SPECC1: variants seen among roughly 807,000 people sequenced by gnomAD.
SPECC1 encodes the protein cytospin-B.
Under a neutral mutation model 104.1 loss-of-function variants are expected in SPECC1, and 62 were observed. The ratio of observed to expected loss-of-function variants is 0.60; its 90% confidence interval spans 0.49 to 0.74. The LOEUF (loss-of-function observed/expected upper bound fraction) is 0.74. SPECC1 is among the 30% of genes least tolerant of loss of function. The pLI, the probability that SPECC1 is intolerant of heterozygous loss-of-function variation, is 0.00. For missense variants in SPECC1, 1,306 were observed against 1,310.5 expected, an observed-to-expected ratio of 1.00 and a Z score of 0.05; for synonymous variants, 513 against 501.6, an observed-to-expected ratio of 1.02 and a Z score of -0.30.
rs1555609386 is a variant in SPECC1 at position 20,112,819 on chromosome 17, A to AAGTTTTTT, written c.283+2258_283+2259insGTTTTTTA. Reference sequence around the variant, plus strand: ...TGAGAGTGACTACCTTAAAAAATGCAAAGTTGAAGAACTGTAACCTCAGAG... The same window carrying AAGTTTTTT: ...TGAGAGTGACTACCTTAAAAAATGCAAGTTTTTTAAGTTGAAGAACTGTAACCTCAGAG... On this transcript the variant is annotated intron_variant, in intron 3 of 14. Transcript: ENST00000395527. 52 of 1,574,424 alleles carry AAGTTTTTT rather than the reference A, an allele frequency of 3.3e-5. No homozygotes were observed. The African/African-American group carries it at 6.6e-4, about 20-fold the overall frequency.
chr17:20,102,418 C>T (rs1479733630), intron 2 of SPECC1, among the ~76,000 whole-genome samples: 3 of 152,212 alleles, frequency 2.0e-5, no homozygotes, highest in African/African-American at 4.8e-5. Flanking sequence ...ACTCCATGCC[C>T]TATGGGAGGG....
rs2042035941 is a variant in SPECC1 at position 20,315,990 on chromosome 17, G to A, written c.*1925G>A. The A allele has an allele frequency of 2.1e-5, 5 of 232,578 alleles. No individual in the cohort carries two copies. The highest frequency in any genetic ancestry group is 1.8e-4 in the South Asian group (1 of 5,528). 14.4% of individuals were successfully genotyped at this position (232,578 alleles called of 1,614,324 possible). On this transcript the variant is annotated 3_prime_UTR_variant, in exon 15 of 15. Coordinates refer to ENST00000395527, the MANE Select transcript of SPECC1 (RefSeq NM_001243439.2). ...GCACAGCTGCTTGGAGAACCACTGA[G>A]GGGTGGACACCTTCCCCTGGCAGCC...
chr17:20,173,721 C>A (rs1317956412), intron 3 of SPECC1, among the ~76,000 whole-genome samples: 3 of 152,174 alleles, frequency 2.0e-5, no homozygotes, highest in Non-Finnish European at 4.4e-5. Flanking sequence ...TGTGTGAATG[C>A]TGATTCAGTC....
chr17:20,311,148 CT>C (rs2041920264), intron 14 of SPECC1, among the ~76,000 whole-genome samples: 1 of 74,396 alleles, frequency 1.3e-5, no homozygotes, highest in Non-Finnish European at 2.9e-5. Context: ...TATTGTTTTT[CT>C]TATTACAAAA....
chr17:20,245,542 A>T (rs187493039), intron 7 of SPECC1, among the ~76,000 whole-genome samples: 1 of 152,212 alleles, frequency 6.6e-6, no homozygotes, highest in African/African-American at 2.4e-5. Flanking sequence ...GTTGGAGCAC[A>T]TGTCGGCAGC....
chr17:20,287,125 G>T (rs1334335564), intron 12 of SPECC1, among the ~76,000 whole-genome samples: 1 of 152,172 alleles, frequency 6.6e-6, no homozygotes, highest in Non-Finnish European at 1.5e-5. Flanking sequence ...TAATTTAAAT[G>T]ACATGGCTTT....
At position 20,231,842 on chromosome 17, in the gene SPECC1, G is replaced by T. The variant is rs755947933; in HGVS notation, c.2145+11G>T. The T allele has an allele frequency of 2.5e-6, 4 of 1,613,730 alleles. No individual in the cohort carries two copies. The highest frequency in any genetic ancestry group is 3.4e-6 in the Non-Finnish European group (4 of 1,179,774). On this transcript the variant is annotated intron_variant, in intron 6 of 14. Transcript: ENST00000395527. ...ACCAAGCAGATGAAGGTGAGATGCG[G>T]GTGGGAGCCTTCACCACCATCTTCC...
In SPECC1 at chr17:20,144,976, G is replaced by C. The variant is rs75955750; in HGVS notation, c.283+34414G>C. Reference sequence around the variant, plus strand: ...GCAAGGTTATTCATATTTAAGTTAAGCCCTATTAAGGCTAAAAACATTCTA... The same window carrying C: ...GCAAGGTTATTCATATTTAAGTTAACCCCTATTAAGGCTAAAAACATTCTA... On this transcript the variant is annotated intron_variant, in intron 3 of 14. Transcript: ENST00000395527. Among the ~76,000 whole-genome samples the C allele has an allele frequency of 3.0e-3, 452 of 152,236 alleles. 19 individuals carry two copies. The East Asian group carries it at 0.084, about 28-fold the overall frequency.
intron 1 of SPECC1, among the ~76,000 whole-genome samples, chr17:20,021,246 G>A (rs2044363184): frequency 6.6e-6 from 1 of 152,056 alleles, no homozygotes; most frequent in African/African-American, 2.4e-5. Context: ...AGTGGACACA[G>A]GCAGTTCAAA....
At position 20,288,316 on chromosome 17, in the gene SPECC1, G is replaced by A. The variant is rs746994378; in HGVS notation, c.2941-8645G>A. On this transcript the variant is annotated intron_variant, in intron 12 of 14. Coordinates refer to ENST00000395527, the MANE Select transcript of SPECC1 (RefSeq NM_001243439.2). ...TCATTTGGGTATATAACCACTAATA[G>A]GATTGCTGGGTCAAATGGTTTTTCT... Among the ~76,000 whole-genome samples, 103 of 152,098 alleles carry A rather than the reference G, an allele frequency of 6.8e-4. 1 individual carries two copies. The highest frequency in any genetic ancestry group is 1.3e-3 in the Non-Finnish European group (86 of 68,026).
chr17:20,219,470 T>G lies in SPECC1; in HGVS notation c.1864-7943T>G, dbSNP rs191036883. Among the ~76,000 whole-genome samples, 12 of 152,354 alleles carry G rather than the reference T, an allele frequency of 7.9e-5. No homozygotes were observed. The East Asian group carries it at 2.3e-3, about 29-fold the overall frequency. On this transcript the variant is annotated intron_variant, in intron 4 of 14. Transcript: ENST00000395527. ...TTCATGTTTCTGTTTGCCATTTGTA[T>G]GTCTTTAAAGAATGTCTAGTAAGAT...
At chr17:20,220,202 T>A (rs2037783310) in intron 4 of SPECC1, among the ~76,000 whole-genome samples, 1 of 152,140 alleles carries the variant, frequency 6.6e-6, no homozygotes, top group African/African-American at 2.4e-5. Flanking sequence ...TAAAAAAAAT[T>A]ATAAAGAATG....
intron 12 of SPECC1, among the ~76,000 whole-genome samples, chr17:20,294,354 A>G (rs1296827012): frequency 6.6e-6 from 1 of 152,132 alleles, no homozygotes; most frequent in Non-Finnish European, 1.5e-5. Flanking sequence ...CCGATGGAGG[A>G]GCTTCTTTCT....
chr17:20,209,668 T>C (rs1224408535), intron 4 of SPECC1, among the ~76,000 whole-genome samples: 3 of 152,218 alleles, frequency 2.0e-5, no homozygotes. Context: ...ATGACATACT[T>C]CTGTACAACT....
At chr17:20,267,418 G>A (rs900684961) in intron 12 of SPECC1, among the ~76,000 whole-genome samples, 10 of 152,180 alleles carry the variant, frequency 6.6e-5, no homozygotes, top group African/African-American at 2.2e-4. Flanking sequence ...ACAGAAAGTC[G>A]GGAGGGTAGG....
chr17:20,079,122 A>G (rs1307169245), intron 1 of SPECC1, among the ~76,000 whole-genome samples: 1 of 152,174 alleles, frequency 6.6e-6, no homozygotes, highest in Non-Finnish European at 1.5e-5. Flanking sequence ...AAGCAACCCA[A>G]GAGGCATGGA....
At chr17:20,033,475 G>C (rs2044911628) in intron 1 of SPECC1, among the ~76,000 whole-genome samples, 1 of 152,138 alleles carries the variant, frequency 6.6e-6, no homozygotes, top group South Asian at 2.1e-4. Flanking sequence ...AAGAAAAAAG[G>C]TTTATTGGGC....
chr17:20,279,750 G>A (rs1257712427), intron 12 of SPECC1, among the ~76,000 whole-genome samples: 1 of 152,086 alleles, frequency 6.6e-6, no homozygotes, highest in Non-Finnish European at 1.5e-5. Context: ...AGTCAGAAAG[G>A]GTTTAAAAAC....
At chr17:20,150,197 A>G (rs1003014112) in intron 3 of SPECC1, among the ~76,000 whole-genome samples, 6 of 151,066 alleles carry the variant, frequency 4.0e-5, no homozygotes, top group Non-Finnish European at 4.4e-5. Context: ...TTTAGTCCGG[A>G]TGGTCTCGAT....
Sources: allele counts gnomAD v4.1 joint callset (sites outside exome capture counted in the v4.1 genomes callset), GRCh38; gene constraint gnomAD v4.1.1; transcripts MANE v1.5; gene names NCBI Gene and HGNC (gene_info 2026-07-23, HGNC 2026-07-21).